The following KAZN variants were observed in gnomAD, a reference collection of about 807,000 sequenced individuals.
KAZN encodes kazrin.
KAZN carries 40 observed loss-of-function variants against 87.4 expected under a neutral mutation model. That is an observed-to-expected ratio of 0.46 (90% confidence interval 0.36 to 0.60). The LOEUF is 0.60. Among genes scored for constraint, KAZN ranks in the 20% least tolerant of loss-of-function variants. KAZN has a pLI of 0.00. For missense variants in KAZN, 898 were observed against 1,073.9 expected, an observed-to-expected ratio of 0.84 and a Z score of 2.29; for synonymous variants, 466 against 458.3, an observed-to-expected ratio of 1.02 and a Z score of -0.22.
At chr1:14,191,563 G>A (rs1422724608) in intron 2 of KAZN, among the ~76,000 whole-genome samples, 3 of 152,050 alleles carry the variant, frequency 2.0e-5, no homozygotes, top group Non-Finnish European at 4.4e-5. Flanking sequence ...AGAGAGTTCC[G>A]GGCTCAAGGA....
At chr1:14,871,681 T>TGTGTGTGTGTGC (rs756984653) in intron 1 of KAZN, among the ~76,000 whole-genome samples, 21 of 151,106 alleles carry the variant, frequency 1.4e-4, no homozygotes, top group African/African-American at 3.6e-4. Context: ...TGTGTGTGTG[T>TGTGTGTGTGTGC]GCACCTGCAT....
Position 14,391,407 on chromosome 1 carries a change from C to T in KAZN, c.250-207576C>T, listed in dbSNP as rs1250664969. On this transcript the variant is annotated intron_variant, in intron 2 of 16. Transcript: ENST00000636203. ...CCAGGGTCACATACACAACTGCCTG[C>T]TCAACCTCACCCCTGGGATATCTTA... 3 of 152,374 alleles carry T rather than the reference C, an allele frequency of 2.0e-5. No homozygotes were observed. In the East Asian group the frequency reaches 5.8e-4, roughly 29 times the overall value. The allele number at this position is 152,374 out of a possible 1,614,324, so 9.4% of individuals were successfully genotyped here.
At chr1:14,879,761 C>A (rs1275863923) in intron 1 of KAZN, among the ~76,000 whole-genome samples, 1 of 152,150 alleles carries the variant, frequency 6.6e-6, no homozygotes, top group Non-Finnish European at 1.5e-5. Flanking sequence ...TGTAGACCGT[C>A]CCCCACAGCA....
At chr1:14,925,391 A>G (rs1240275459) in intron 1 of KAZN, among the ~76,000 whole-genome samples, 1 of 152,224 alleles carries the variant, frequency 6.6e-6, no homozygotes, top group Non-Finnish European at 1.5e-5. Context: ...TTTCCGGGAA[A>G]AACGGGAGGG....
chr1:13,930,353 A>C (rs1640460451), intron 1 of KAZN, among the ~76,000 whole-genome samples: 1 of 152,168 alleles, frequency 6.6e-6, no homozygotes, highest in Non-Finnish European at 1.5e-5. Flanking sequence ...AGGGTGAACC[A>C]CCAGCAGAGG....
intron 2 of KAZN, among the ~76,000 whole-genome samples, chr1:14,430,365 C>A (rs537842457): frequency 1.3e-3 from 194 of 152,190 alleles, no homozygotes; most frequent in African/African-American, 4.5e-3. Flanking sequence ...GAATGTACCC[C>A]CAACACCTAG....
chr1:14,877,091 G>C (rs574712209), intron 1 of KAZN, among the ~76,000 whole-genome samples: 2 of 152,184 alleles, frequency 1.3e-5, no homozygotes, highest in Admixed American at 6.5e-5. Flanking sequence ...ACTTGAAAAT[G>C]CCAGTGTGGA....
At chr1:14,736,595 G>A (rs923412719) in intron 1 of KAZN, among the ~76,000 whole-genome samples, 2 of 149,894 alleles carry the variant, frequency 1.3e-5, no homozygotes, top group Non-Finnish European at 3.0e-5. Context: ...ACAGGCGTGA[G>A]CCACCACTCT....
At chr1:14,594,607 G>A (rs1188176114), upstream of KAZN, among the ~76,000 whole-genome samples, 2 of 152,178 alleles carry the variant, frequency 1.3e-5, no homozygotes, top group Non-Finnish European at 2.9e-5. Context: ...ACTGGGGTGT[G>A]AGATTGGGAC....
intron 2 of KAZN, among the ~76,000 whole-genome samples, chr1:14,552,773 G>T (rs963135390): frequency 6.6e-6 from 1 of 152,200 alleles, no homozygotes; most frequent in African/African-American, 2.4e-5. Flanking sequence ...TATTTACCAT[G>T]AGTCAGGCAA....
At chr1:14,385,009 A>G (rs1036180663) in intron 2 of KAZN, among the ~76,000 whole-genome samples, 2 of 151,336 alleles carry the variant, frequency 1.3e-5, no homozygotes, top group East Asian at 2.0e-4. Context: ...TTATTGGTCT[A>G]TTCAGAGATT....
intron 2 of KAZN, among the ~76,000 whole-genome samples, chr1:14,317,927 C>G (rs1655772581): frequency 6.6e-6 from 1 of 151,904 alleles, no homozygotes; most frequent in African/African-American, 2.4e-5. Context: ...CATTATTTAT[C>G]TCTGGGTTAT....
intron 1 of KAZN, among the ~76,000 whole-genome samples, chr1:14,872,097 G>A (rs1652207526): frequency 6.6e-6 from 1 of 152,170 alleles, no homozygotes; most frequent in Non-Finnish European, 1.5e-5. Flanking sequence ...GCAAGCGTGT[G>A]GGCACCAGTC....
chr1:13,985,996 G>T (rs913273838), intron 1 of KAZN, among the ~76,000 whole-genome samples: 2 of 152,150 alleles, frequency 1.3e-5, no homozygotes, highest in African/African-American at 2.4e-5. Flanking sequence ...TTTTGTGTGG[G>T]CATAAGTTTT....
At chr1:14,932,067 C>T (rs1023949289) in intron 1 of KAZN, among the ~76,000 whole-genome samples, 1 of 152,174 alleles carries the variant, frequency 6.6e-6, no homozygotes, top group African/African-American at 2.4e-5. Flanking sequence ...TCCAGGCTGC[C>T]CACCAGCACC....
chr1:14,598,837 T>G lies in KAZN; in HGVS notation c.-161T>G. 7.2e-7 allele frequency: 1 copy of G among 1,397,006 alleles called. No individual in the cohort carries two copies. The highest frequency in any genetic ancestry group is 9.2e-7 in the Non-Finnish European group (1 of 1,081,722). The allele number at this position is 1,397,006 out of a possible 1,614,324, so 86.5% of individuals were successfully genotyped here. On this transcript the variant is annotated 5_prime_UTR_variant, in exon 1 of 15. Coordinates refer to ENST00000376030, the MANE Select transcript of KAZN (RefSeq NM_201628.3). This position sits in a 1 kb window ranked among gnomAD's most constrained non-coding sequence, Gnocchi z 4.2. The stretch of plus-strand genomic sequence containing the variant: ...GCTGGAGGCGCCGCTGTCATTCCTG[T>G]GCCGGAGGAACCGGCGCTGCCGGTG...
chr1:14,748,500 G>T (rs950470014), intron 1 of KAZN, among the ~76,000 whole-genome samples: 1 of 152,138 alleles, frequency 6.6e-6, no homozygotes, highest in Admixed American at 6.5e-5. Flanking sequence ...TTGTGCCTCC[G>T]TCGTCTCATC....
intron 2 of KAZN, among the ~76,000 whole-genome samples, chr1:14,418,033 A>C (rs1157905152): frequency 5.4e-5 from 7 of 129,420 alleles, no homozygotes; most frequent in East Asian, 4.3e-4. Flanking sequence ...AAAAAAAAAA[A>C]AAAAAAAAAA....
At chr1:14,757,092 G>A (rs1348354351) in intron 1 of KAZN, among the ~76,000 whole-genome samples, 2 of 152,232 alleles carry the variant, frequency 1.3e-5, no homozygotes, top group Non-Finnish European at 2.9e-5. Flanking sequence ...AGTTTGCAGA[G>A]AAAGGATTTC....
Sources: gnomAD v4.1 joint callset for allele counts (sites outside exome capture counted in the v4.1 genomes callset) on GRCh38, gnomAD v4.1.1 for gene constraint, Gnocchi (gnomAD v3.1) non-coding constraint, MANE v1.5 for transcripts, NCBI Gene and HGNC (gene_info 2026-07-23, HGNC 2026-07-21) for gene names.